MGAT4C: variants seen among roughly 807,000 people sequenced by gnomAD.
The protein encoded by MGAT4C is alpha-1,3-mannosyl-glycoprotein 4-beta-N-acetylglucosaminyltransferase C.
A neutral mutation model predicts 40.1 loss-of-function variants in MGAT4C; 19 were observed. The ratio of observed to expected loss-of-function variants is 0.47; its 90% CI spans 0.33 to 0.70. MGAT4C has a LOEUF of 0.70. Among genes scored for constraint, MGAT4C ranks in the 30% least tolerant of loss-of-function variants. MGAT4C has a pLI of 0.02. For synonymous variants in MGAT4C, 181 were observed against 187.1 expected (o/e 0.97, Z 0.27); for missense variants, 491 against 563.2 (o/e 0.87, Z 1.30).
intron 4 of MGAT4C, among the ~76,000 whole-genome samples, chr12:86,331,221 T>C (rs2136173168): frequency 6.6e-6 from 1 of 152,278 alleles, no homozygotes; most frequent in South Asian, 2.1e-4. Flanking sequence ...TTTTGTACAT[T>C]GGCATGCTTC....
At chr12:86,634,188 G>C (rs1184821125) in intron 2 of MGAT4C, among the ~76,000 whole-genome samples, 2 of 152,062 alleles carry the variant, frequency 1.3e-5, no homozygotes, top group South Asian at 4.1e-4. Context: ...ATTTAACAGT[G>C]AATTTTCTAA....
At chr12:86,144,231 T>C (rs1466227637) in intron 1 of MGAT4C, among the ~76,000 whole-genome samples, 1 of 152,206 alleles carries the variant, frequency 6.6e-6, no homozygotes. Context: ...TTAATATTTT[T>C]TATTTCAGCT....
intron 2 of MGAT4C, among the ~76,000 whole-genome samples, chr12:86,615,565 T>G (rs1005783971): frequency 6.6e-6 from 1 of 152,066 alleles, no homozygotes; most frequent in African/African-American, 2.4e-5. Context: ...TGCTTGAGTG[T>G]GGGAGGAATG....
At chr12:86,672,856 A>G (rs188643103) in intron 2 of MGAT4C, among the ~76,000 whole-genome samples, 1 of 152,136 alleles carries the variant, frequency 6.6e-6, no homozygotes, top group African/African-American at 2.4e-5. Context: ...AGCATCATGC[A>G]ATGTACCCGG....
At chr12:86,741,440 T>C (rs2136130539) in intron 1 of MGAT4C, among the ~76,000 whole-genome samples, 1 of 151,482 alleles carries the variant, frequency 6.6e-6, no homozygotes, top group Admixed American at 6.6e-5. Context: ...TGTAGTAATT[T>C]CCTCACTTTT....
At chr12:86,163,582 T>C (rs1885846292) in intron 1 of MGAT4C, among the ~76,000 whole-genome samples, 1 of 151,444 alleles carries the variant, frequency 6.6e-6, no homozygotes, top group Non-Finnish European at 1.5e-5. Flanking sequence ...ACATAACAGA[T>C]TTTTTTTTGT....
At chr12:86,009,565 G>A (rs1254203025) in intron 2 of MGAT4C, among the ~76,000 whole-genome samples, 2 of 152,124 alleles carry the variant, frequency 1.3e-5, no homozygotes, top group African/African-American at 2.4e-5. Flanking sequence ...AGTAAGCTAC[G>A]AAAATGACCT....
rs140672286 is a variant in MGAT4C at position 86,380,615 on chromosome 12, C to A, written c.-119-46488G>T. ...GAAAAATCATGATTAGATCAAAATT[C>A]AACATTACACAACATACCTACTAAG... is the stretch of plus-strand genomic sequence containing the variant. On this transcript the variant is annotated intron_variant, in intron 3 of 7. Transcript: ENST00000548651. Among the ~76,000 whole-genome samples, 144 of 152,216 alleles carry A rather than the reference C, an allele frequency of 9.5e-4. 1 individual carries two copies. The highest frequency in any genetic ancestry group is 3.1e-3 in the African/African-American group (130 of 41,542).
intron 3 of MGAT4C, among the ~76,000 whole-genome samples, chr12:86,405,023 G>A (rs1429826556): frequency 6.6e-6 from 1 of 151,694 alleles, no homozygotes. Context: ...TCTTTAAAGG[G>A]GTGAAATTAC....
intron 1 of MGAT4C, among the ~76,000 whole-genome samples, chr12:86,814,862 GCTT>G (rs1226375297): frequency 6.6e-6 from 1 of 152,004 alleles, no homozygotes; most frequent in Non-Finnish European, 1.5e-5. Flanking sequence ...TGAATCTGCT[GCTT>G]ATTTTGAACT....
chr12:86,100,774 A>G (rs1194798194), intron 1 of MGAT4C, among the ~76,000 whole-genome samples: 1 of 151,626 alleles, frequency 6.6e-6, no homozygotes, highest in African/African-American at 2.4e-5. Flanking sequence ...ACATGGTCAA[A>G]TAAAATTTTG....
At chr12:86,060,507 G>A (rs1352929336) in intron 1 of MGAT4C, among the ~76,000 whole-genome samples, 2 of 151,938 alleles carry the variant, frequency 1.3e-5, no homozygotes, top group East Asian at 3.9e-4. Flanking sequence ...GTCTAATAAA[G>A]TAGAAATAAT....
At chr12:86,698,164 T>C (rs1950292855) in intron 2 of MGAT4C, among the ~76,000 whole-genome samples, 2 of 151,950 alleles carry the variant, frequency 1.3e-5, no homozygotes, top group Admixed American at 1.3e-4. Flanking sequence ...AGAGACTCAA[T>C]ACTTTAAATG....
chr12:86,101,841 A>G (rs962156973), intron 1 of MGAT4C, among the ~76,000 whole-genome samples: 46 of 152,110 alleles, frequency 3.0e-4, no homozygotes, highest in African/African-American at 1.1e-3. Flanking sequence ...AAGGCTATGC[A>G]TTATGAATTT....
intron 2 of MGAT4C, among the ~76,000 whole-genome samples, chr12:86,492,978 T>A (rs1394037012): frequency 1.3e-5 from 2 of 151,474 alleles, no homozygotes; most frequent in Non-Finnish European, 2.9e-5. Flanking sequence ...CATCAAAAAG[T>A]GGGTGAAGGA....
At chr12:86,548,321 A>G (rs12813712) in intron 2 of MGAT4C, among the ~76,000 whole-genome samples, 1 of 152,072 alleles carries the variant, frequency 6.6e-6, no homozygotes, top group Non-Finnish European at 1.5e-5. Context: ...TGCTCATTTA[A>G]TATTTGAGAA....
In MGAT4C at chr12:86,129,788, T is replaced by A. The variant is rs1364651354; in HGVS notation, c.-56-80065A>T. 2.9e-4 allele frequency among the ~76,000 whole-genome samples: 4 copies of A among 14,006 alleles called. 2 individuals are homozygous for A. Among genetic ancestry groups the A allele is most frequent in the Non-Finnish European group, 4.2e-4 (4 of 9,538 alleles). The allele number at this position is 14,006 out of a possible 152,430, so 9.2% of individuals were successfully genotyped here. On this transcript the variant is annotated intron_variant, in intron 1 of 4. Transcript: ENST00000611864. ...TTTAGCCGGGATGGTCTCGATCTCC[T>A]GACCTCGTGATCCGCCCGCCTCGGC...
At chr12:86,266,931 T>C (rs1048466292) in intron 4 of MGAT4C, among the ~76,000 whole-genome samples, 19 of 152,112 alleles carry the variant, frequency 1.2e-4, no homozygotes, top group Non-Finnish European at 1.9e-4. Flanking sequence ...GAGTATATAG[T>C]TATTCATAAT....
At chr12:86,606,744 A>AT (rs543984397) in intron 2 of MGAT4C, among the ~76,000 whole-genome samples, 49 of 152,230 alleles carry the variant, frequency 3.2e-4, no homozygotes, top group Admixed American at 2.6e-3. Flanking sequence ...AGATTGCTGG[A>AT]TAAAAAAAAA....
Sources: allele counts gnomAD v4.1 joint callset (sites outside exome capture counted in the v4.1 genomes callset), GRCh38; gene constraint gnomAD v4.1.1; transcripts MANE v1.5; gene names NCBI Gene and HGNC (gene_info 2026-07-23, HGNC 2026-07-21).